SCFD2: variants seen among roughly 807,000 people sequenced by gnomAD.
SCFD2 encodes the protein sec1 family domain-containing protein 2.
SCFD2 carries 54 observed loss-of-function variants against 58.9 expected under a neutral mutation model. The ratio of observed to expected loss-of-function variants is 0.92; its 90% CI spans 0.74 to 1.15. The LOEUF is 1.15. SCFD2 is among the 50% of genes most tolerant of loss of function. The pLI, the probability that SCFD2 is intolerant of heterozygous loss-of-function variation, is 0.00. For missense variants in SCFD2, 805 were observed against 836.6 expected, an observed-to-expected ratio of 0.96 and a Z score of 0.47; for synonymous variants, 321 against 335.9, an observed-to-expected ratio of 0.96 and a Z score of 0.49.
At chr4:53,133,535 T>A (rs777930330) in intron 5 of SCFD2, among the ~76,000 whole-genome samples, 1 of 152,134 alleles carries the variant, frequency 6.6e-6, no homozygotes, top group Non-Finnish European at 1.5e-5. Flanking sequence ...GTGGTAGCCA[T>A]GAAGAACAAT....
rs1728322023 is a variant in SCFD2, at chr4:53,203,704, CCTACTTATA to C, written c.1312-58131_1312-58123del. Among the ~76,000 whole-genome samples the C allele has an allele frequency of 1.3e-5, 2 of 152,006 alleles. 1 individual carries two copies. The highest frequency in any genetic ancestry group is 4.1e-4 in the South Asian group (2 of 4,830). The stretch of plus-strand genomic sequence containing the variant: ...ACTGGTGGAAGAGGTGAGAAACAAA[CCTACTTATA>C]CTATAGAATCCTTGAAAGGCTCAGG... On this transcript the variant is annotated intron_variant, in intron 4 of 8. Transcript: ENST00000401642.
intron 3 of SCFD2, among the ~76,000 whole-genome samples, chr4:53,276,879 G>A (rs1731343699): frequency 6.6e-6 from 1 of 152,184 alleles, no homozygotes; most frequent in African/African-American, 2.4e-5. Flanking sequence ...ATGTGTAGCA[G>A]TATCTCATTG....
intron 5 of SCFD2, among the ~76,000 whole-genome samples, chr4:53,134,412 T>C (rs1725878527): frequency 6.6e-6 from 1 of 152,142 alleles, no homozygotes; most frequent in East Asian, 1.9e-4. Context: ...TCTTTCCTCA[T>C]TTGTTATACA....
intron 5 of SCFD2, among the ~76,000 whole-genome samples, chr4:52,968,673 G>A (rs143937101): frequency 1.3e-5 from 2 of 152,314 alleles, no homozygotes; most frequent in Non-Finnish European, 2.9e-5. Flanking sequence ...TTCTATCACT[G>A]CAAGACAGAA....
chr4:53,202,818 C>A (rs576896113), intron 4 of SCFD2, among the ~76,000 whole-genome samples: 4 of 152,038 alleles, frequency 2.6e-5, no homozygotes, highest in African/African-American at 4.8e-5. Context: ...CATGATTTGG[C>A]TCTCTGTTTG....
intron 5 of SCFD2, among the ~76,000 whole-genome samples, chr4:53,007,337 A>AGAGAGAGG (rs1721995928): frequency 1.6e-5 from 2 of 122,130 alleles, no homozygotes; most frequent in African/African-American, 3.0e-5. Flanking sequence ...AGAGAGAGGG[A>AGAGAGAGG]GAGAGAGAGA....
intron 7 of SCFD2, among the ~76,000 whole-genome samples, chr4:52,900,148 C>T (rs1156958278): frequency 1.3e-5 from 2 of 152,200 alleles, no homozygotes; most frequent in African/African-American, 2.4e-5. Context: ...CCTCTCTCAA[C>T]TCGTCAAAGT....
chr4:53,036,831 T>A (rs1722773946), intron 5 of SCFD2, among the ~76,000 whole-genome samples: 2 of 152,172 alleles, frequency 1.3e-5, no homozygotes, highest in South Asian at 2.1e-4. Flanking sequence ...ATCCCAAAAC[T>A]TAAATTATAA....
At chr4:53,083,016 GT>G (rs1724195385) in intron 5 of SCFD2, among the ~76,000 whole-genome samples, 1 of 151,620 alleles carries the variant, frequency 6.6e-6, no homozygotes, top group African/African-American at 2.4e-5. Flanking sequence ...TATCCTATTG[GT>G]TCTATTTCTC....
chr4:53,263,987 G>T (rs935910590), intron 4 of SCFD2, among the ~76,000 whole-genome samples: 24 of 152,130 alleles, frequency 1.6e-4, no homozygotes, highest in African/African-American at 4.8e-4. Context: ...TGTGGGAGAT[G>T]GTGGTATAGT....
intron 5 of SCFD2, 38 bp from the exon 6 acceptor site, chr4:52,920,908 T>C: frequency 6.8e-7 from 1 of 1,467,536 alleles, no homozygotes; most frequent in Non-Finnish European, 9.3e-7. Flanking sequence ...AGTGAGTAAA[T>C]CTTTAAGTTT....
intron 7 of SCFD2, among the ~76,000 whole-genome samples, chr4:52,903,355 G>A (rs1719269292): frequency 6.6e-6 from 1 of 152,138 alleles, no homozygotes; most frequent in Admixed American, 6.5e-5. Flanking sequence ...CTTAGTAGCT[G>A]CTGGAAAGGA....
intron 4 of SCFD2, among the ~76,000 whole-genome samples, chr4:53,247,080 A>G (rs1243477708): frequency 2.0e-5 from 3 of 152,142 alleles, no homozygotes; most frequent in Non-Finnish European, 4.4e-5. Flanking sequence ...TTAAAAAAAC[A>G]AAAGTTGAGC....
intron 4 of SCFD2, among the ~76,000 whole-genome samples, chr4:53,216,332 T>C (rs1325334443): frequency 6.6e-6 from 1 of 152,200 alleles, no homozygotes. Flanking sequence ...GAGCCTGTTA[T>C]TGGTCTATTC....
intron 5 of SCFD2, among the ~76,000 whole-genome samples, chr4:53,085,698 T>C (rs1051690803): frequency 3.9e-5 from 6 of 151,926 alleles, no homozygotes; most frequent in Non-Finnish European, 8.8e-5. Flanking sequence ...CATAGACCAA[T>C]GAAACATAAT....
chr4:52,900,831 T>C (rs568039761), intron 7 of SCFD2, among the ~76,000 whole-genome samples: 101 of 152,316 alleles, frequency 6.6e-4, no homozygotes, highest in African/African-American at 2.3e-3. Flanking sequence ...TACTGAGGCC[T>C]GAGCAATGGC....
In SCFD2 at chr4:53,179,316, A is replaced by T. The variant is rs542285416; in HGVS notation, c.1312-33734T>A. On this transcript the variant is annotated intron_variant, in intron 4 of 8. Coordinates refer to ENST00000401642, the MANE Select transcript of SCFD2 (RefSeq NM_152540.4). ...CAGCTGATCGCTCGGCAGAAACTCT[A>T]CAAGCCAGAAGAGAGTGGGGACCAA... Among the ~76,000 whole-genome samples the T allele has an allele frequency of 2.6e-5, 4 of 152,344 alleles. No homozygotes were observed. The South Asian group carries it at 8.3e-4, about 32-fold the overall frequency.
At chr4:53,200,685 T>C (rs1390824772) in intron 4 of SCFD2, among the ~76,000 whole-genome samples, 1 of 152,012 alleles carries the variant, frequency 6.6e-6, no homozygotes, top group Non-Finnish European at 1.5e-5. Context: ...AGAAAAAAAA[T>C]GTGTTCAAAT....
chr4:52,907,510 T>C lies in SCFD2; in HGVS notation c.1789A>G (p.Met597Val), dbSNP rs1335029456. Residue 597 changes from methionine (M) to valine (V), a missense_variant, in exon 7 of 9, where the codon ATG (methionine) becomes GTG (valine). This residue lies in a region of SCFD2 where 633 missense variants were observed against 646.8 expected (regional missense o/e 0.98). Transcript: ENST00000401642. ...AGGAGATCAGTGAGGCCTGAAGACA[T>C]GTGTTCAATATCAACGGAATCTGGC... is the stretch of plus-strand genomic sequence containing the variant. ...ERPDSVDIEH[M>V]SSGLTDLLKT... is the part of the protein sequence containing the mutation. 3.1e-6 allele frequency: 5 copies of C among 1,613,894 alleles called. No homozygotes were observed. In the South Asian group the frequency reaches 3.3e-5, roughly 11 times the overall value.
Sources: gnomAD v4.1 joint callset for allele counts (sites outside exome capture counted in the v4.1 genomes callset) on GRCh38, gnomAD v4.1.1 for gene constraint, gnomAD v4.1.1 regional missense constraint, MANE v1.5 for transcripts, NCBI Gene and HGNC (gene_info 2026-07-23, HGNC 2026-07-21) for gene names.